The following USP54 variants were observed in gnomAD, a reference collection of about 807,000 sequenced individuals.
USP54 encodes ubiquitin specific peptidase 54, also known as ubiquitin carboxyl-terminal hydrolase 54.
A neutral mutation model predicts 170.5 loss-of-function variants in USP54; 87 were observed. The observed-to-expected ratio is 0.51, with a 90% CI of 0.43 to 0.61. The LOEUF (loss-of-function observed/expected upper bound fraction) is 0.61. Among genes scored for constraint, USP54 ranks in the 20% least tolerant of loss-of-function variants. The pLI is 0.00. For missense variants in USP54, 1,786 were observed against 2,047.8 expected, an observed-to-expected ratio of 0.87 and a Z score of 2.47; for synonymous variants, 655 against 742.8, an observed-to-expected ratio of 0.88 and a Z score of 1.92.
In USP54 at chr10:73,497,864, G is replaced by C. The variant is rs964213287; in HGVS notation, c.*765C>G. On this transcript the variant is annotated 3_prime_UTR_variant, in exon 24 of 24. Transcript: ENST00000687698. The stretch of plus-strand genomic sequence containing the variant: ...CCACAGGGCTACATGTCCCCCCAAG[G>C]ATGGGAGACAGGGAAGACAAAGGGT... 1.3e-5 allele frequency: 2 copies of C among 152,298 alleles called. No individual in the cohort carries two copies. The highest frequency in any genetic ancestry group is 2.9e-5 in the Non-Finnish European group (2 of 68,086). The allele number at this position is 152,298 out of a possible 1,614,324, so 9.4% of individuals were successfully genotyped here.
In USP54 at chr10:73,523,615, C is replaced by T. The variant is rs765063953; in HGVS notation, c.2330G>A (p.Arg777His). ...AAKGFNPHPSRFMDLDELQNQ... is the reference protein window; with the variant it reads ...AAKGFNPHPSHFMDLDELQNQ... Reference sequence around the variant, plus strand: ...CTGCAGTTCATCCAAGTCCATGAAGCGGCTAGGATGAGGGTTAAACCCTTT... The same window carrying T: ...CTGCAGTTCATCCAAGTCCATGAAGTGGCTAGGATGAGGGTTAAACCCTTT... The change falls in exon 17 of 24, where the codon CGC becomes CAC. Residue 777 changes from arginine (R) to histidine (H), a missense_variant. Coordinates refer to ENST00000687698, the MANE Select transcript of USP54 (RefSeq NM_001391956.1). 36 of 1,609,792 alleles carry T rather than the reference C, an allele frequency of 2.2e-5. No homozygotes were observed. The highest frequency in any genetic ancestry group is 1.7e-4 in the Middle Eastern group (1 of 6,048).
intron 1 of USP54, among the ~76,000 whole-genome samples, chr10:73,606,878 C>CAAAAAA (rs200071977): frequency 3.6e-5 from 2 of 55,870 alleles, no homozygotes; most frequent in Admixed American, 2.0e-4. Context: ...GACAATATCT[C>CAAAAAA]AAAAAAAAAA....
At chr10:73,526,112 G>T (rs1322129953) in intron 16 of USP54, among the ~76,000 whole-genome samples, 1 of 152,128 alleles carries the variant, frequency 6.6e-6, no homozygotes, top group Non-Finnish European at 1.5e-5. Context: ...GTCCCTTCTT[G>T]CTCCCACAAG....
chr10:73,585,053 G>C (rs530572555), intron 1 of USP54, among the ~76,000 whole-genome samples: 1 of 152,262 alleles, frequency 6.6e-6, no homozygotes, highest in East Asian at 1.9e-4. Flanking sequence ...CCTAGAGGGA[G>C]ATATTCTTTT....
chr10:73,591,106 T>C (rs532433433), intron 1 of USP54, among the ~76,000 whole-genome samples, 172 bp downstream of exon 1: 1 of 151,818 alleles, frequency 6.6e-6, no homozygotes, highest in Non-Finnish European at 1.5e-5. Context: ...CTCTTGAAAG[T>C]TGAGAGTCCT....
rs553865043 is a variant in USP54 at position 73,572,627 on chromosome 10, A to G, written c.148-1114T>C. On this transcript the variant is annotated intron_variant, in intron 3 of 23. Coordinates refer to ENST00000687698, the MANE Select transcript of USP54 (RefSeq NM_001391956.1). ...ATAACAAATGTAATAGGTTCAACTC[A>G]TCTGTGGTAAACACAGCTTTGAAAC... Among the ~76,000 whole-genome samples, 214 of 152,344 alleles carry G rather than the reference A, an allele frequency of 1.4e-3. 1 individual carries two copies. Among genetic ancestry groups the G allele is most frequent in the Non-Finnish European group, 2.6e-3 (174 of 68,026 alleles).
chr10:73,519,458 C>T, intron 19 of USP54: 2 of 292,558 alleles, frequency 6.8e-6, no homozygotes. Flanking sequence ...ATGGTAGCTA[C>T]TACAACATGA....
At position 73,541,634 on chromosome 10, in the gene USP54, G is replaced by A. The variant is rs560538602; in HGVS notation, c.677C>T (p.Pro226Leu). The A allele has an allele frequency of 3.1e-6, 5 of 1,614,026 alleles. No individual in the cohort carries two copies. The East Asian group carries it at 8.9e-5, about 29-fold the overall frequency. Residue 226 changes from proline (P) to leucine (L), a missense_variant and splice_region_variant, in exon 8 of 24, where the codon CCA becomes CTA. Coordinates refer to ENST00000687698, the MANE Select transcript of USP54 (RefSeq NM_001391956.1). The part of the protein sequence containing the change: ...ASTMGDLRNC[P>L]SNCGERIRIR... ...AACCCCACCCCTGATTTAACTCACT[G>A]GACAGTTCCGCAGATCCCCCATGGT...
chr10:73,578,072 CT>C (rs1356177611), intron 1 of USP54, among the ~76,000 whole-genome samples: 1 of 152,190 alleles, frequency 6.6e-6, no homozygotes, highest in Non-Finnish European at 1.5e-5. Context: ...ATGACACACA[CT>C]CCTGAGTACA....
intron 5 of USP54, among the ~76,000 whole-genome samples, chr10:73,543,894 C>G (rs574976666): frequency 1.3e-5 from 2 of 152,116 alleles, no homozygotes; most frequent in South Asian, 4.1e-4. Flanking sequence ...TCTCTCATCT[C>G]CATCATTTTA....
chr10:73,611,476 C>G (rs1044892691), intron 1 of USP54: 1 of 151,756 alleles, frequency 6.6e-6, no homozygotes, highest in African/African-American at 2.4e-5. Context: ...TAGTGAGAAC[C>G]CAGATCTAGA....
rs199797469 is a variant in USP54, at chr10:73,530,286, C to T, written c.1685G>A (p.Ser562Asn). 17 of 1,614,064 alleles carry T rather than the reference C, an allele frequency of 1.1e-5. No individual in the cohort carries two copies. In the African/African-American group the frequency reaches 1.6e-4, roughly 15 times the overall value. The stretch of plus-strand genomic sequence containing the variant: ...GCTGGAAGAACTGGATTTTGACTCA[C>T]TGCTGGTACTCTCTATTTCCCAGTC... ...SRDWEIESTS[S>N]ESKSSSSSKY... The change falls in exon 14 of 24, where the codon AGT becomes AAT. Residue 562 changes from serine to asparagine, a missense_variant. Ser to Asn is a conservative substitution (Grantham distance 46). Coordinates refer to ENST00000687698, the MANE Select transcript of USP54 (RefSeq NM_001391956.1).
At chr10:73,619,913 T>C (rs2080950404) in intron 1 of USP54, among the ~76,000 whole-genome samples, 1 of 150,620 alleles carries the variant, frequency 6.6e-6, no homozygotes, top group Non-Finnish European at 1.5e-5. Flanking sequence ...TCTACAGTAA[T>C]TATTAAATAT....
chr10:73,540,548 C>T (rs886381552), intron 9 of USP54, among the ~76,000 whole-genome samples: 2 of 152,046 alleles, frequency 1.3e-5, no homozygotes, highest in African/African-American at 2.4e-5. Flanking sequence ...CCAGCCTGGG[C>T]GACAGAGCAA....
chr10:73,509,616 T>C (rs61865838), intron 20 of USP54, among the ~76,000 whole-genome samples: 1 of 147,840 alleles, frequency 6.8e-6, no homozygotes, highest in African/African-American at 2.6e-5. Context: ...CTCCGTCTCA[T>C]TAAAAAAAAA....
intron 4 of USP54, among the ~76,000 whole-genome samples, chr10:73,551,232 G>A (rs1039197389): frequency 2.6e-5 from 4 of 152,120 alleles, no homozygotes; most frequent in African/African-American, 9.7e-5. Flanking sequence ...TCCTACAAAT[G>A]TCTCCATATG....
At chr10:73,523,130 G>A (rs2062185711) in intron 17 of USP54, among the ~76,000 whole-genome samples, 1 of 152,174 alleles carries the variant, frequency 6.6e-6, no homozygotes, top group African/African-American at 2.4e-5. Flanking sequence ...AGAATCAATT[G>A]TCATGGTATC....
intron 1 of USP54, among the ~76,000 whole-genome samples, chr10:73,588,649 A>T (rs1043280369): frequency 6.6e-6 from 1 of 152,244 alleles, no homozygotes; most frequent in African/African-American, 2.4e-5. Flanking sequence ...AAACTGATGA[A>T]TCACAATTAG....
At chr10:73,596,564 A>C (rs2078749084) in intron 1 of USP54, among the ~76,000 whole-genome samples, 1 of 151,556 alleles carries the variant, frequency 6.6e-6, no homozygotes, top group Non-Finnish European at 1.5e-5. Context: ...GTCTCAAAAA[A>C]AAAATCAGCC....
Sources: gnomAD v4.1 joint callset for allele counts (sites outside exome capture counted in the v4.1 genomes callset) on GRCh38, gnomAD v4.1.1 for gene constraint, MANE v1.5 for transcripts, NCBI Gene and HGNC (gene_info 2026-07-23, HGNC 2026-07-21) for gene names.